Variants in NEGR1 observed in about 807,000 individuals in gnomAD.
NEGR1 encodes neuronal growth regulator 1, also known as IgLON family member 4.
In NEGR1, 10 loss-of-function variants were observed where a neutral mutation model predicts 40.9. That is an observed-to-expected ratio of 0.24 (90% confidence interval 0.15 to 0.42). NEGR1 has a LOEUF of 0.42. Among genes scored for constraint, NEGR1 ranks in the 10% least tolerant of loss-of-function variants. NEGR1 has a pLI of 1.00. For synonymous variants in NEGR1, 185 were observed against 166.8 expected, an observed-to-expected ratio of 1.11 and a Z score of -0.84; for missense variants, 352 against 438.9, an observed-to-expected ratio of 0.80 and a Z score of 1.77.
At chr1:72,249,026 T>C (rs184644382) in intron 1 of NEGR1, among the ~76,000 whole-genome samples, 85 of 152,326 alleles carry the variant, frequency 5.6e-4, no homozygotes, top group Non-Finnish European at 2.1e-4. Flanking sequence ...TCTTAATGAT[T>C]GTGTCCCCCA....
intron 6 of NEGR1, chr1:71,407,828 GA>G: frequency 2.6e-6 from 1 of 389,114 alleles, no homozygotes; most frequent in Non-Finnish European, 4.7e-6. Flanking sequence ...GAGAATTGGA[GA>G]TGAAGCACAT....
intron 6 of NEGR1, among the ~76,000 whole-genome samples, chr1:71,472,213 G>C (rs1429972008): frequency 6.6e-6 from 1 of 152,062 alleles, no homozygotes; most frequent in Non-Finnish European, 1.5e-5. Context: ...GAGATGGAAG[G>C]GATATTGGCT....
chr1:71,576,742 G>A (rs972212305), intron 6 of NEGR1, among the ~76,000 whole-genome samples: 2 of 152,230 alleles, frequency 1.3e-5, no homozygotes, highest in Admixed American at 1.3e-4. Flanking sequence ...TGGGCCATAA[G>A]TGTAAGTGAT....
chr1:72,123,334 A>C (rs1018968823), intron 1 of NEGR1, among the ~76,000 whole-genome samples: 4 of 151,884 alleles, frequency 2.6e-5, no homozygotes, highest in African/African-American at 7.2e-5. Context: ...GCAACTGTAT[A>C]TAACATGTAG....
chr1:72,076,218 G>A (rs922769104), intron 1 of NEGR1, among the ~76,000 whole-genome samples: 1 of 152,072 alleles, frequency 6.6e-6, no homozygotes, highest in Admixed American at 6.6e-5. Context: ...ACTTTGGGGA[G>A]GTGATTGTGT....
intron 1 of NEGR1, among the ~76,000 whole-genome samples, chr1:72,148,393 G>T (rs1233280784): frequency 6.6e-6 from 1 of 151,944 alleles, no homozygotes; most frequent in Non-Finnish European, 1.5e-5. Context: ...GGGACCTAGG[G>T]GTCTAAGTCT....
chr1:71,724,473 C>T (rs1360629686), intron 3 of NEGR1, among the ~76,000 whole-genome samples: 1 of 152,000 alleles, frequency 6.6e-6, no homozygotes, highest in Non-Finnish European at 1.5e-5. Context: ...GATTTATTTC[C>T]TCTTTTTGCA....
At chr1:71,551,837 A>T (rs1298787252) in intron 6 of NEGR1, among the ~76,000 whole-genome samples, 3 of 151,642 alleles carry the variant, frequency 2.0e-5, no homozygotes, top group African/African-American at 7.3e-5. Flanking sequence ...CTTCTTTTCT[A>T]TTGAAAGGGT....
chr1:71,967,797 C>T (rs1314567061), intron 1 of NEGR1, among the ~76,000 whole-genome samples: 1 of 152,132 alleles, frequency 6.6e-6, no homozygotes, highest in African/African-American at 2.4e-5. Flanking sequence ...TAGCAAATGT[C>T]TGATGCTACA....
In NEGR1 at chr1:71,954,069, T is replaced by C. The variant is rs79297868; in HGVS notation, c.177-18758A>G. ...TTTCACTGCATTAGAATTTGTAAAA[T>C]TAGCTGGGGAAATAGGAATGTGAAA... On this transcript the variant is annotated intron_variant, in intron 1 of 6. Transcript: ENST00000357731. Among the ~76,000 whole-genome samples the C allele has an allele frequency of 1.2e-4, 18 of 151,962 alleles. No homozygotes were observed. The East Asian group carries it at 3.5e-3, about 29-fold the overall frequency.
chr1:72,047,682 T>C (rs907190917), intron 1 of NEGR1, among the ~76,000 whole-genome samples: 13 of 151,406 alleles, frequency 8.6e-5, no homozygotes, highest in Non-Finnish European at 1.8e-4. Flanking sequence ...CTATTATAAG[T>C]AATCACTCTA....
chr1:71,415,144 G>C (rs1322414726), intron 6 of NEGR1, among the ~76,000 whole-genome samples: 3 of 149,458 alleles, frequency 2.0e-5, no homozygotes, highest in Non-Finnish European at 4.5e-5. Context: ...TTTTTCATTT[G>C]ATAAAAAAAC....
At chr1:71,879,738 C>G (rs1421739941) in intron 2 of NEGR1, among the ~76,000 whole-genome samples, 1 of 152,114 alleles carries the variant, frequency 6.6e-6, no homozygotes, top group Non-Finnish European at 1.5e-5. Context: ...TTTAACATGG[C>G]ATTCACAACA....
At chr1:72,020,875 C>T (rs547757184) in intron 1 of NEGR1, among the ~76,000 whole-genome samples, 1 of 152,248 alleles carries the variant, frequency 6.6e-6, no homozygotes, top group East Asian at 1.9e-4. Context: ...CAACACAACA[C>T]TTTTGGTAAT....
At chr1:72,066,909 C>T (rs540133882) in intron 1 of NEGR1, among the ~76,000 whole-genome samples, 3 of 152,226 alleles carry the variant, frequency 2.0e-5, no homozygotes, top group East Asian at 1.9e-4. Context: ...AAAAGCCAGA[C>T]AGAATGCTAA....
chr1:72,198,740 C>T (rs748308962), intron 1 of NEGR1, among the ~76,000 whole-genome samples: 47 of 151,810 alleles, frequency 3.1e-4, no homozygotes, highest in Non-Finnish European at 5.3e-4. Flanking sequence ...GGAGAAATTG[C>T]GGGTCAGCAA....
intron 4 of NEGR1, among the ~76,000 whole-genome samples, chr1:71,695,139 C>A (rs1353640105): frequency 6.6e-6 from 1 of 151,762 alleles, no homozygotes; most frequent in East Asian, 1.9e-4. Context: ...ACTTTGCAAA[C>A]CTTTTATAAC....
At chr1:71,947,787 A>AAG (rs1553124064) in intron 1 of NEGR1, among the ~76,000 whole-genome samples, 108 of 151,562 alleles carry the variant, frequency 7.1e-4, no homozygotes, top group African/African-American at 2.1e-3. Context: ...AAAAAAAAAA[A>AAG]ATATGGAAAT....
chr1:72,100,202 A>AC (rs1648880503), intron 1 of NEGR1, among the ~76,000 whole-genome samples: 1 of 152,124 alleles, frequency 6.6e-6, no homozygotes, highest in South Asian at 2.1e-4. Flanking sequence ...CAAGATTATA[A>AC]CTAAAAAACA....
Sources: gnomAD v4.1 joint callset for allele counts (sites outside exome capture counted in the v4.1 genomes callset) on GRCh38, gnomAD v4.1.1 for gene constraint, MANE v1.5 for transcripts, NCBI Gene and HGNC (gene_info 2026-07-23, HGNC 2026-07-21) for gene names.